Variants in RCOR2 observed in about 807,000 individuals in gnomAD.
The protein encoded by RCOR2 is REST corepressor 2.
A neutral mutation model predicts 58.9 loss-of-function variants in RCOR2; 19 were observed. The observed-to-expected ratio is 0.32, with a 90% CI of 0.23 to 0.47. The LOEUF (loss-of-function observed/expected upper bound fraction) is 0.47, where lower values mean the gene tolerates loss of function less well. RCOR2 is among the 20% of genes least tolerant of loss of function. The pLI, the probability that RCOR2 is intolerant of heterozygous loss-of-function variation, is 1.00. For missense variants in RCOR2, 590 were observed against 707.9 expected (o/e 0.83, Z 1.89); for synonymous variants, 286 against 278.7 (o/e 1.03, Z -0.26).
rs574457405 is a variant in RCOR2, at chr11:63,911,835, G to C, written c.*30C>G. 6.3e-5 allele frequency: 94 copies of C among 1,484,092 alleles called. 2 individuals carry two copies. In the Admixed American group the frequency reaches 2.6e-3, roughly 41 times the overall value. The allele number at this position is 1,484,092 out of a possible 1,614,324, so 91.9% of individuals were successfully genotyped here. A position where few individuals can be genotyped will look rare whatever the true frequency, so the allele number is the denominator to read the frequency against. On this transcript the variant is annotated 3_prime_UTR_variant, in exon 12 of 12. Coordinates refer to ENST00000301459, the MANE Select transcript of RCOR2 (RefSeq NM_173587.4). ...GGGGATGGCCAGCAAAGGGGTCCTG[G>C]AGCCCGTGGTTGGTGGAGGACGTCA...
At chr11:63,926,613 G>C in the RCOR2 span, among the ~76,000 whole-genome samples, 2 of 150,232 alleles carry the variant, frequency 1.3e-5, no homozygotes, top group Middle Eastern at 3.6e-3. Flanking sequence ...AGCCTCCTGA[G>C]TAGCTGGGAT....
chr11:63,913,418 G>A (rs917552248), intron 8 of RCOR2, among the ~76,000 whole-genome samples: 3 of 150,462 alleles, frequency 2.0e-5, no homozygotes, highest in African/African-American at 2.4e-5. Flanking sequence ...TCGAACTCCC[G>A]ACCTCAGGTG....
chr11:63,915,343 A>G, intron 2 of RCOR2, 85 bp from the exon 3 acceptor site: 1 of 1,302,866 alleles, frequency 7.7e-7, no homozygotes, highest in Non-Finnish European at 1.1e-6. Context: ...GCAGCAGAGG[A>G]GTGGAGCCAG....
At chr11:63,919,613 G>A (rs1941903222), upstream of RCOR2, among the ~76,000 whole-genome samples, 1 of 152,206 alleles carries the variant, frequency 6.6e-6, no homozygotes, top group Admixed American at 6.5e-5. Context: ...GGAAGGAGAG[G>A]CAGCCCGGGG....
chr11:63,915,189 GAC>G lies in RCOR2; in HGVS notation c.252_253del (p.Ser85ArgfsTer5). 1.9e-6 allele frequency: 3 copies of G among 1,551,424 alleles called. No homozygotes were observed. Among genetic ancestry groups the G allele is most frequent in the Non-Finnish European group, 2.6e-6 (3 of 1,146,940 alleles). ...TGTGCCCCACTCACGCTTGGCATCT[GAC>G]ACACAGTGGTTGGGTGACCACACCA... On this transcript the variant is annotated frameshift_variant, in exon 3 of 12. Transcript: ENST00000301459. LOFTEE classifies it high-confidence loss of function.
At chr11:63,925,048 TC>T in the RCOR2 span, among the ~76,000 whole-genome samples, 1 of 152,128 alleles carries the variant, frequency 6.6e-6, no homozygotes, top group Admixed American at 6.5e-5. Context: ...AGCCGGGGTT[TC>T]ACCGTGTTGG....
At chr11:63,926,736 G>A in the RCOR2 span, among the ~76,000 whole-genome samples, 13 of 150,810 alleles carry the variant, frequency 8.6e-5, no homozygotes, top group Admixed American at 2.6e-4. Context: ...CACCCACCTC[G>A]GCCTCCCAAA....
Position 63,916,415 on chromosome 11 carries a change from G to T in RCOR2, c.42C>A (p.Ile14=). The change falls in exon 1 of 12, where the codon ATC becomes ATA. Residue 14 remains isoleucine, a synonymous_variant. Coordinates refer to ENST00000301459, the MANE Select transcript of RCOR2 (RefSeq NM_173587.4). ...VMEKPSAGSG[I]LSRSRAKTVP... is the part of the protein sequence containing the mutation. ...CCGTCTTGGCCCGGCTACGGGACAG[G>T]ATCCCAGAGCCCGCGCTCGGCTTCT... 6.2e-7 allele frequency: 1 copy of T among 1,607,798 alleles called. No homozygotes were observed. Among genetic ancestry groups the T allele is most frequent in the Non-Finnish European group, 8.5e-7 (1 of 1,177,860 alleles).
At chr11:63,925,755 T>C in the RCOR2 span, among the ~76,000 whole-genome samples, 4 of 146,392 alleles carry the variant, frequency 2.7e-5, no homozygotes, top group African/African-American at 1.0e-4. Flanking sequence ...AAGCCATGAG[T>C]GTGCCACTGC....
chr11:63,915,660 A>C, intron 1 of RCOR2, 49 bp from the exon 2 acceptor site: 2 of 46,506 alleles, frequency 4.3e-5, no homozygotes, highest in Non-Finnish European at 1.0e-4. Flanking sequence ...GGCGGGCGGG[A>C]GGGAGGATGT....
the RCOR2 span, among the ~76,000 whole-genome samples, chr11:63,925,952 C>G: frequency 6.6e-6 from 1 of 151,956 alleles, no homozygotes; most frequent in African/African-American, 2.4e-5. Context: ...TCTTGTCGCC[C>G]AGGCTGGAGT....
the RCOR2 span, among the ~76,000 whole-genome samples, chr11:63,924,366 C>T: frequency 6.6e-6 from 1 of 152,146 alleles, no homozygotes; most frequent in African/African-American, 2.4e-5. Flanking sequence ...CACCACCATA[C>T]CTGACAATTT....
intron 1 of RCOR2, 68 bp from the exon 2 acceptor site, chr11:63,915,679 G>T (rs1467826396): frequency 3.0e-6 from 4 of 1,329,824 alleles, no homozygotes; most frequent in South Asian, 2.5e-5. Flanking sequence ...GTGGCGGGCG[G>T]GGGAGGTGGC....
the RCOR2 span, among the ~76,000 whole-genome samples, chr11:63,925,897 T>A: frequency 6.6e-6 from 1 of 151,996 alleles, no homozygotes; most frequent in Non-Finnish European, 1.5e-5. Flanking sequence ...TTGAAGTCAC[T>A]GAACCTCTGG....
At chr11:63,926,075 A>G in the RCOR2 span, among the ~76,000 whole-genome samples, 1 of 151,848 alleles carries the variant, frequency 6.6e-6, no homozygotes, top group African/African-American at 2.4e-5. Context: ...ATGCCCGGCT[A>G]ATTTTTTGTA....
chr11:63,914,837 G>C (rs1240255150), intron 4 of RCOR2, 21 bp from the exon 5 acceptor site: 1 of 1,473,434 alleles, frequency 6.8e-7, no homozygotes, highest in South Asian at 1.3e-5. Context: ...GCAAGGGGCA[G>C]CTGAGCCTGA....
upstream of RCOR2, among the ~76,000 whole-genome samples, chr11:63,917,594 AC>A (rs1042832004): frequency 3.3e-5 from 5 of 150,380 alleles, no homozygotes; most frequent in African/African-American, 4.9e-5. Context: ...CGCAGGGGGG[AC>A]CCCCCTTATG....
At chr11:63,915,482 C>T in intron 2 of RCOR2, 73 bp downstream of exon 2, 1 of 1,479,828 alleles carries the variant, frequency 6.8e-7, no homozygotes, top group Non-Finnish European at 9.2e-7. Flanking sequence ...ATCAAGGGCG[C>T]CCCAGGTGGG....
intron 4 of RCOR2, 39 bp from the exon 5 acceptor site, chr11:63,914,855 C>G (rs765221436): frequency 1.3e-6 from 2 of 1,581,824 alleles, no homozygotes; most frequent in South Asian, 2.2e-5. Context: ...TGAGCTGCCC[C>G]GGCACCGTTC....
Sources: gnomAD v4.1 joint callset for allele counts (sites outside exome capture counted in the v4.1 genomes callset) on GRCh38, gnomAD v4.1.1 for gene constraint, MANE v1.5 for transcripts, NCBI Gene and HGNC (gene_info 2026-07-23, HGNC 2026-07-21) for gene names.